Variants in RUNX1T1 observed in about 807,000 individuals in gnomAD.
RUNX1T1 encodes the protein RUNX1 partner transcriptional co-repressor 1.
Under a neutral mutation model 62.8 loss-of-function variants are expected in RUNX1T1, and 4 were observed. The observed-to-expected ratio is 0.06, with a 90% CI of 0.03 to 0.15. RUNX1T1 has a LOEUF of 0.15. Among genes scored for constraint, RUNX1T1 ranks in the 10% least tolerant of loss-of-function variants. The pLI, the probability that RUNX1T1 is intolerant of heterozygous loss-of-function variation, is 1.00. For missense variants in RUNX1T1, 508 were observed against 754.3 expected, an observed-to-expected ratio of 0.67 and a Z score of 3.82; for synonymous variants, 291 against 286.0, an observed-to-expected ratio of 1.02 and a Z score of -0.18.
rs560264197 is a variant in RUNX1T1 at position 92,072,755 on chromosome 8, C to T, written c.88+3210G>A. ...TAAAGCCCATTAATGCTATCAGACC[C>T]CTCAAACATGACCAAGAAAAACTAA... On this transcript the variant is annotated intron_variant, in intron 2 of 11. Transcript: ENST00000265814. Among the ~76,000 whole-genome samples the T allele has an allele frequency of 8.7e-4, 133 of 152,294 alleles. 1 individual carries two copies. Among genetic ancestry groups the T allele is most frequent in the Non-Finnish European group, 1.5e-3 (100 of 68,024 alleles).
chr8:92,014,305 T>G, intron 3 of RUNX1T1, among the ~76,000 whole-genome samples: 1 of 145,928 alleles, frequency 6.9e-6, no homozygotes, highest in Admixed American at 6.8e-5. Flanking sequence ...ACACACACAT[T>G]TATATATATA....
chr8:92,062,683 C>T (rs34021722), exon 1 of RUNX1T1: 28,191 of 1,610,412 alleles, frequency 0.018, 312 homozygotes, highest in Non-Finnish European at 0.021. Context: ...GCGGCATCGC[C>T]GGAGGCAGGG....
chr8:92,092,701 C>T (rs1837216204), intron 1 of RUNX1T1, among the ~76,000 whole-genome samples: 1 of 152,004 alleles, frequency 6.6e-6, no homozygotes, highest in South Asian at 2.1e-4. Flanking sequence ...GTGTGAACCC[C>T]TTTTTATTAC....
intron 1 of RUNX1T1, among the ~76,000 whole-genome samples, chr8:92,088,016 T>C (rs1448169911): frequency 6.6e-6 from 1 of 152,224 alleles, no homozygotes; most frequent in East Asian, 1.9e-4. Context: ...TCCACATTTG[T>C]TTCTCATCAG....
In RUNX1T1 at chr8:92,078,475, G is replaced by A. The variant is rs1438650332; in HGVS notation, c.-85-2338C>T. Among the ~76,000 whole-genome samples, 4 of 152,000 alleles carry A rather than the reference G, an allele frequency of 2.6e-5. No individual in the cohort carries two copies. The East Asian group carries it at 7.7e-4, about 29-fold the overall frequency. On this transcript the variant is annotated intron_variant, in intron 1 of 11. Transcript: ENST00000265814. ...CAAATTTGTAAAACCTCATTACGAG[G>A]GGAACATACTGAGAAAAGTTTAAAA...
At chr8:92,102,817 G>A (rs1377228652), upstream of RUNX1T1, 6 of 1,491,592 alleles carry the variant, frequency 4.0e-6, no homozygotes, top group East Asian at 5.5e-5. This position sits in a 1 kb window ranked among gnomAD's most constrained non-coding sequence, Gnocchi z 4.5. Flanking sequence ...GCCCGACCCC[G>A]CCGCCCGCCC....
At chr8:91,991,593 T>A in intron 6 of RUNX1T1, 46 bp downstream of exon 7, 1 of 1,570,622 alleles carries the variant, frequency 6.4e-7, no homozygotes, top group South Asian at 1.2e-5. Flanking sequence ...GTGCAAGTCT[T>A]CAAGCACCCA....
At chr8:92,081,172 T>G in intron 1 of RUNX1T1, 1 of 444,550 alleles carries the variant, frequency 2.2e-6, no homozygotes. Flanking sequence ...ATCTCCAAAG[T>G]AAGATAATAA....
At chr8:91,998,138 T>C (rs558194091) in intron 5 of RUNX1T1, among the ~76,000 whole-genome samples, 2 of 152,296 alleles carry the variant, frequency 1.3e-5, no homozygotes, top group East Asian at 3.9e-4. Flanking sequence ...TTTTAAAACA[T>C]AATTCAGCAA....
chr8:92,076,627 A>G (rs1356273933), intron 1 of RUNX1T1, among the ~76,000 whole-genome samples: 1 of 152,126 alleles, frequency 6.6e-6, no homozygotes, highest in Non-Finnish European at 1.5e-5. Context: ...CAGTATTGCC[A>G]TTATTAGCAC....
Position 92,047,183 on chromosome 8 carries a change from G to C in RUNX1T1, c.7+15363C>G, listed in dbSNP as rs190247676. Among the ~76,000 whole-genome samples, 274 of 152,076 alleles carry C rather than the reference G, an allele frequency of 1.8e-3. 1 individual carries two copies. Among genetic ancestry groups the C allele is most frequent in the Middle Eastern group, 3.4e-3 (1 of 294 alleles). On this transcript the variant is annotated intron_variant, in intron 1 of 10. Transcript: ENST00000396218. ...CAGGTGTTCTTTCATCCTCATACCA[G>C]TCTAACCTGGCCACGTTGTCTTTCT... is the stretch of plus-strand genomic sequence containing the variant.
chr8:92,072,605 G>A (rs1184128229), intron 2 of RUNX1T1, among the ~76,000 whole-genome samples: 1 of 152,220 alleles, frequency 6.6e-6, no homozygotes, highest in Non-Finnish European at 1.5e-5. Context: ...AACATTAAAT[G>A]AAAACAACTG....
chr8:91,957,104 G>A (rs1032802156), downstream of RUNX1T1: 2 of 217,630 alleles, frequency 9.2e-6, no homozygotes, highest in African/African-American at 2.2e-5. Flanking sequence ...TCCTATCAGC[G>A]ACCACCATTC....
chr8:92,101,795 A>G (rs1210538040), upstream of RUNX1T1, among the ~76,000 whole-genome samples: 1 of 152,100 alleles, frequency 6.6e-6, no homozygotes. Flanking sequence ...CCTTGTGCTG[A>G]CCTAGCCGTA....
intron 1 of RUNX1T1, among the ~76,000 whole-genome samples, chr8:92,049,189 C>T (rs929916008): frequency 1.3e-5 from 2 of 152,154 alleles, no homozygotes; most frequent in African/African-American, 4.8e-5. Context: ...CTGTGATGGC[C>T]TACAAAGTTT....
At chr8:92,049,955 T>C (rs937249045) in intron 1 of RUNX1T1, among the ~76,000 whole-genome samples, 19 of 152,330 alleles carry the variant, frequency 1.2e-4, no homozygotes, top group African/African-American at 4.6e-4. Flanking sequence ...TTATGTCTAA[T>C]AACTATGCAA....
chr8:91,991,682 T>G, exon 6 of RUNX1T1: 1 of 1,614,034 alleles, frequency 6.2e-7, no homozygotes. Flanking sequence ...GGCTGGGGTG[T>G]CGATAGGAGT....
chr8:91,991,530 A>T, intron 6 of RUNX1T1, 109 bp downstream of exon 7: 1 of 1,192,424 alleles, frequency 8.4e-7, no homozygotes, highest in South Asian at 1.5e-5. Flanking sequence ...AAGATATGAG[A>T]ATCTTCATCC....
chr8:92,010,510 A>G (rs1240599912), intron 4 of RUNX1T1: 3 of 152,390 alleles, frequency 2.0e-5, no homozygotes, highest in Admixed American at 6.5e-5. Context: ...GCAGAGACTT[A>G]AAAACCATTT....
Sources: allele counts gnomAD v4.1 joint callset (sites outside exome capture counted in the v4.1 genomes callset), GRCh38; gene constraint gnomAD v4.1.1; non-coding constraint Gnocchi (gnomAD v3.1); transcripts MANE v1.5; gene names NCBI Gene and HGNC (gene_info 2026-07-23, HGNC 2026-07-21).